HBS1L: variants seen among roughly 807,000 people sequenced by gnomAD.
HBS1L encodes the protein HBS1 like translational GTPase.
A neutral mutation model predicts 88.9 loss-of-function variants in HBS1L; 55 were observed. The ratio of observed to expected loss-of-function variants is 0.62; its 90% CI spans 0.50 to 0.77. The LOEUF (loss-of-function observed/expected upper bound fraction) is 0.77, where lower values mean the gene tolerates loss of function less well. HBS1L is among the 30% of genes least tolerant of loss of function. The pLI is 0.00. For missense variants in HBS1L, 741 were observed against 829.3 expected (o/e 0.89, Z 1.31); for synonymous variants, 267 against 288.5 (o/e 0.93, Z 0.76).
chr6:134,979,910 T>A (rs919360832), intron 13 of HBS1L, among the ~76,000 whole-genome samples: 3 of 152,030 alleles, frequency 2.0e-5, no homozygotes, highest in Non-Finnish European at 4.4e-5. Context: ...AATTTAATTT[T>A]AAAATGATCC....
chr6:135,034,146 T>TAAAAAAAAAAA (rs543362165), intron 4 of HBS1L, among the ~76,000 whole-genome samples: 3 of 144,422 alleles, frequency 2.1e-5, no homozygotes, highest in Non-Finnish European at 4.6e-5. Flanking sequence ...GTGTTTGGTT[T>TAAAAAAAAAAA]AAAAAAAAAA....
chr6:135,044,727 C>T (rs1222992597), intron 2 of HBS1L, among the ~76,000 whole-genome samples: 1 of 152,100 alleles, frequency 6.6e-6, no homozygotes, highest in Non-Finnish European at 1.5e-5. Flanking sequence ...CTTTAATAAA[C>T]TGTATTCAGT....
At chr6:135,044,850 T>A (rs1442226461) in intron 2 of HBS1L, among the ~76,000 whole-genome samples, 2 of 152,134 alleles carry the variant, frequency 1.3e-5, no homozygotes, top group African/African-American at 4.8e-5. Context: ...ATCAGATGTT[T>A]CCCTCAACAA....
intron 4 of HBS1L, among the ~76,000 whole-genome samples, chr6:135,016,185 C>T (rs1237766947): frequency 6.6e-6 from 1 of 152,162 alleles, no homozygotes; most frequent in African/African-American, 2.4e-5. Context: ...CATGCCCAGC[C>T]CCTCTAAAAA....
chr6:135,051,359 T>A (rs1246928989), intron 1 of HBS1L, among the ~76,000 whole-genome samples: 1 of 152,204 alleles, frequency 6.6e-6, no homozygotes, highest in Non-Finnish European at 1.5e-5. Context: ...CATGGGGGTA[T>A]ATAATAGATC....
At chr6:134,995,670 T>C (rs940099142) in intron 7 of HBS1L, among the ~76,000 whole-genome samples, 2 of 151,712 alleles carry the variant, frequency 1.3e-5, no homozygotes, top group African/African-American at 4.8e-5. Context: ...AGCCACATAC[T>C]TTAGTAATGT....
At chr6:135,054,428 C>T (rs949481183) in intron 1 of HBS1L, among the ~76,000 whole-genome samples, 1 of 152,198 alleles carries the variant, frequency 6.6e-6, no homozygotes, top group Non-Finnish European at 1.5e-5. Context: ...TGCAGCACCT[C>T]CCCCTCCCCA....
At chr6:135,007,245 T>C (rs1291959001) in intron 4 of HBS1L, among the ~76,000 whole-genome samples, 1 of 152,168 alleles carries the variant, frequency 6.6e-6, no homozygotes, top group Non-Finnish European at 1.5e-5. Flanking sequence ...TGTGGTTATT[T>C]AAGTGAAAGT....
chr6:134,963,304 G>C lies in HBS1L; in HGVS notation c.*1975C>G, dbSNP rs1332384782. The C allele has an allele frequency of 1.3e-5, 2 of 152,176 alleles. No homozygotes were observed. Among genetic ancestry groups the C allele is most frequent in the African/African-American group, 4.8e-5 (2 of 41,454 alleles). The allele number at this position is 152,176 out of a possible 1,614,324, so 9.4% of individuals were successfully genotyped here. On this transcript the variant is annotated 3_prime_UTR_variant, in exon 18 of 18. Coordinates refer to ENST00000367837, the MANE Select transcript of HBS1L (RefSeq NM_006620.4). ...CATAGTCAATGATGAGATGTTTCTA[G>C]GACTTCTGGAGAAGATATGCTCTTT...
chr6:134,966,230 T>C (rs759310735), intron 17 of HBS1L, 99 bp downstream of exon 17: 6 of 1,084,612 alleles, frequency 5.5e-6, no homozygotes, highest in South Asian at 1.9e-5. Context: ...CAATGCTTTT[T>C]CTTTCATTCC....
chr6:134,986,010 A>G, intron 11 of HBS1L, 56 bp downstream of exon 11: 1 of 785,930 alleles, frequency 1.3e-6, no homozygotes, highest in Non-Finnish European at 2.2e-6. Flanking sequence ...AGAACTCTAA[A>G]TAATAATTAA....
intron 9 of HBS1L, 61 bp downstream of exon 9, chr6:134,987,584 T>C (rs1051990041): frequency 1.5e-6 from 2 of 1,341,756 alleles, no homozygotes; most frequent in Admixed American, 4.5e-5. Flanking sequence ...AAGTCATCTA[T>C]ACAAGCAGAA....
At chr6:134,991,900 T>C (rs1400728025) in intron 8 of HBS1L, among the ~76,000 whole-genome samples, 1 of 152,108 alleles carries the variant, frequency 6.6e-6, no homozygotes, top group East Asian at 1.9e-4. Flanking sequence ...AGATCCCATC[T>C]TTACAAAAAA....
At chr6:134,988,317 C>T (rs60916993) in intron 8 of HBS1L, among the ~76,000 whole-genome samples, 5,051 of 151,718 alleles carry the variant, frequency 0.033, 265 homozygotes, top group African/African-American at 0.11. Context: ...GAGTCGAGAT[C>T]GCCCCACTAC....
In HBS1L at chr6:134,985,357, C is replaced by G. The variant is rs532502007; in HGVS notation, c.1476G>C (p.Val492=). The G allele has an allele frequency of 6.2e-7, 1 of 1,605,666 alleles. No individual in the cohort carries two copies. Among genetic ancestry groups the G allele is most frequent in the South Asian group, 1.1e-5 (1 of 89,778 alleles). The change falls in exon 12 of 18, where the codon GTG becomes GTC. Residue 492 remains valine, a synonymous_variant. Coordinates refer to ENST00000367837, the MANE Select transcript of HBS1L (RefSeq NM_006620.4). ...RSIDKPFRLC[V]SDVFKDQGSG... ...AGCACTTACCTTTGAAAACATCGGA[C>G]ACACATAATCTAAAAGGTTTGTCAA...
intron 4 of HBS1L, among the ~76,000 whole-genome samples, chr6:135,031,697 C>T (rs1304698714): frequency 6.6e-6 from 1 of 152,086 alleles, no homozygotes; most frequent in East Asian, 1.9e-4. Flanking sequence ...ATATATCCTC[C>T]TCCCCTTTGA....
chr6:135,043,146 A>C lies in HBS1L; in HGVS notation c.110-1020T>G, dbSNP rs547083151. Among the ~76,000 whole-genome samples, 4 of 152,380 alleles carry C rather than the reference A, an allele frequency of 2.6e-5. No individual in the cohort carries two copies. The South Asian group carries it at 6.2e-4, about 24-fold the overall frequency. On this transcript the variant is annotated intron_variant, in intron 2 of 17. Coordinates refer to ENST00000367837, the MANE Select transcript of HBS1L (RefSeq NM_006620.4). The stretch of plus-strand genomic sequence containing the variant: ...TAAATGAAATACAAGTGAGCAAAGG[A>C]GAAAATCACAGGCATATCCACAGTA...
At chr6:134,993,146 CAG>C (rs1775192432) in intron 8 of HBS1L, among the ~76,000 whole-genome samples, 1 of 152,096 alleles carries the variant, frequency 6.6e-6, no homozygotes, top group African/African-American at 2.4e-5. Flanking sequence ...TGTTACCATC[CAG>C]ATTTGTGTAA....
rs770506770 is a variant in HBS1L, at chr6:134,978,717, T to A, written c.1759A>T (p.Ile587Phe). The A allele has an allele frequency of 5.0e-6, 8 of 1,606,686 alleles. 1 individual carries two copies. The South Asian group carries it at 7.8e-5, about 16-fold the overall frequency. The change falls in exon 15 of 18, where the codon ATC becomes TTC. Residue 587 changes from isoleucine to phenylalanine, a missense_variant. Transcript: ENST00000367837. The part of the protein sequence containing the change: ...ACTRFRARIL[I>F]FNIEIPITKG... ...GTGATAGGAATTTCAATATTAAAGA[T>A]GAGGATTCGGGCTCTGAAACGAGTG...
Sources: gnomAD v4.1 joint callset for allele counts (sites outside exome capture counted in the v4.1 genomes callset) on GRCh38, gnomAD v4.1.1 for gene constraint, MANE v1.5 for transcripts, NCBI Gene and HGNC (gene_info 2026-07-23, HGNC 2026-07-21) for gene names.